ADCK1: variants seen among roughly 807,000 people sequenced by gnomAD.
ADCK1 encodes the protein aarF domain-containing protein kinase 1.
Under a neutral mutation model 52.3 loss-of-function variants are expected in ADCK1, and 41 were observed. That is an observed-to-expected ratio of 0.78 (90% CI 0.61 to 1.02). The LOEUF is 1.02. Among genes scored for constraint, ADCK1 ranks in the 50% least tolerant of loss-of-function variants. ADCK1 has a pLI of 0.00. For missense variants in ADCK1, 658 were observed against 679.5 expected, an observed-to-expected ratio of 0.97 and a Z score of 0.35; for synonymous variants, 250 against 274.6, an observed-to-expected ratio of 0.91 and a Z score of 0.89.
intron 3 of ADCK1, among the ~76,000 whole-genome samples, chr14:77,828,910 C>T (rs1282885435): frequency 6.6e-6 from 1 of 151,374 alleles, no homozygotes; most frequent in Non-Finnish European, 1.5e-5. Flanking sequence ...CCAGACAATA[C>T]TTTTCCTTTA....
chr14:77,887,499 CACACTA>C (rs1311446150), intron 5 of ADCK1, among the ~76,000 whole-genome samples: 2 of 152,158 alleles, frequency 1.3e-5, no homozygotes, highest in Non-Finnish European at 1.5e-5. Flanking sequence ...GGTCTCAAAA[CACACTA>C]AGTGGCTGCT....
At chr14:77,829,090 C>T (rs2081784240) in intron 3 of ADCK1, among the ~76,000 whole-genome samples, 2 of 150,978 alleles carry the variant, frequency 1.3e-5, no homozygotes, top group Admixed American at 1.3e-4. Flanking sequence ...TTTCCTTGTC[C>T]TGGAATCAAT....
At chr14:77,808,302 G>C (rs896365413) in intron 1 of ADCK1, among the ~76,000 whole-genome samples, 4 of 152,134 alleles carry the variant, frequency 2.6e-5, no homozygotes, top group African/African-American at 9.7e-5. Flanking sequence ...GTGACTGAGG[G>C]GTGGTCACTG....
chr14:77,913,912 C>G (rs1489091935), intron 7 of ADCK1, among the ~76,000 whole-genome samples: 1 of 147,086 alleles, frequency 6.8e-6, no homozygotes, highest in African/African-American at 2.6e-5. Flanking sequence ...AGGTTCAGTC[C>G]CCTGTCCTTG....
At chr14:77,889,041 G>T (rs968852775) in intron 5 of ADCK1, among the ~76,000 whole-genome samples, 1 of 152,176 alleles carries the variant, frequency 6.6e-6, no homozygotes, top group African/African-American at 2.4e-5. Flanking sequence ...CACAAGATCC[G>T]ATGGTTTTAT....
rs58057378 is a variant in ADCK1, at chr14:77,905,304, G to GTTTTTTTTTTTTTTTTTTTTT, written c.742-2479_742-2478insTTTTTTTTTTTTTTTTTTTTT. 1.1e-3 allele frequency among the ~76,000 whole-genome samples: 105 copies of GTTTTTTTTTTTTTTTTTTTTT among 96,264 alleles called. 11 individuals are homozygous for GTTTTTTTTTTTTTTTTTTTTT. Among genetic ancestry groups the GTTTTTTTTTTTTTTTTTTTTT allele is most frequent in the Non-Finnish European group, 1.6e-3 (80 of 50,620 alleles). 63.2% of individuals were successfully genotyped at this position (96,264 alleles called of 152,430 possible). On this transcript the variant is annotated intron_variant, in intron 6 of 10. Coordinates refer to ENST00000238561, the MANE Select transcript of ADCK1 (RefSeq NM_020421.4). ...TCCACCTGTGACTCTTTCCTAGCTGGTTTTTTTTTTTTTTTTTTTTGAGAT... is the reference window on the plus strand; with the variant it reads ...TCCACCTGTGACTCTTTCCTAGCTGGTTTTTTTTTTTTTTTTTTTTTTTTTTTTTTTTTTTTTTTTTGAGAT...
chr14:77,886,885 C>T (rs1448686978), intron 4 of ADCK1, among the ~76,000 whole-genome samples: 11 of 151,284 alleles, frequency 7.3e-5, no homozygotes, highest in African/African-American at 2.2e-4. Context: ...CCAGCCTGGT[C>T]GACAGCGCGG....
rs2083481552 is a variant in ADCK1, at chr14:77,899,394, G to GC, written c.741+136_741+137insC. On this transcript the variant is annotated intron_variant, in intron 6 of 10. Coordinates refer to ENST00000238561, the MANE Select transcript of ADCK1 (RefSeq NM_020421.4). ...CTGAGTCCTCTTACTGAGGATGAAT[G>GC]ACATCACTGGTGATGTGCATTAAAT... 12 of 1,179,370 alleles carry GC rather than the reference G, an allele frequency of 1.0e-5. No homozygotes were observed. In the South Asian group the frequency reaches 1.8e-4, roughly 18 times the overall value. The allele number at this position is 1,179,370 out of a possible 1,614,324, so 73.1% of individuals were successfully genotyped here.
At chr14:77,800,833 AT>A (rs1566615743) in intron 1 of ADCK1, among the ~76,000 whole-genome samples, 1 of 152,248 alleles carries the variant, frequency 6.6e-6, no homozygotes, top group Non-Finnish European at 1.5e-5. Context: ...ACAAGTATTT[AT>A]TGTTTACCTC....
rs568838477 is a variant in ADCK1, at chr14:77,878,286, C to T, written c.424-8805C>T. On this transcript the variant is annotated intron_variant, in intron 4 of 10. Transcript: ENST00000238561. ...GAGTGATCCATAGCGAATATATTCTCCTTTATAAAATGTAGGCAATAATCT... is the reference window on the plus strand; with the variant it reads ...GAGTGATCCATAGCGAATATATTCTTCTTTATAAAATGTAGGCAATAATCT... 2.0e-5 allele frequency among the ~76,000 whole-genome samples: 3 copies of T among 152,336 alleles called. No homozygotes were observed. The South Asian group carries it at 6.2e-4, about 32-fold the overall frequency.
intron 3 of ADCK1, among the ~76,000 whole-genome samples, chr14:77,836,761 CTTT>C: frequency 8.0e-6 from 1 of 125,422 alleles, no homozygotes; most frequent in African/African-American, 2.8e-5. Flanking sequence ...TCTACCTTTT[CTTT>C]CTTTCTTTCT....
intron 3 of ADCK1, among the ~76,000 whole-genome samples, chr14:77,854,555 C>CTT (rs60062127): frequency 0.02 from 2,605 of 128,376 alleles, 95 homozygotes; most frequent in African/African-American, 0.034. Context: ...TCGGAGTGGG[C>CTT]TTTTTTTTTT....
chr14:77,877,920 T>C (rs2082935465), intron 4 of ADCK1, among the ~76,000 whole-genome samples: 2 of 152,234 alleles, frequency 1.3e-5, no homozygotes, highest in Admixed American at 1.3e-4. Context: ...TTCTCCTTCC[T>C]TTCTTCAGCT....
intron 1 of ADCK1, among the ~76,000 whole-genome samples, chr14:77,810,446 G>T (rs886997330): frequency 8.6e-5 from 13 of 151,828 alleles, no homozygotes; most frequent in Non-Finnish European, 1.0e-4. Flanking sequence ...TAGAAGGTGG[G>T]TACTCTCAAG....
intron 4 of ADCK1, among the ~76,000 whole-genome samples, chr14:77,878,298 G>A (rs2082942959): frequency 2.0e-5 from 3 of 152,218 alleles, no homozygotes; most frequent in South Asian, 4.1e-4. Flanking sequence ...TTTATAAAAT[G>A]TAGGCAATAA....
chr14:77,831,865 G>A lies in ADCK1; in HGVS notation c.219+9347G>A, dbSNP rs143209828. Among the ~76,000 whole-genome samples, 657 of 152,292 alleles carry A rather than the reference G, an allele frequency of 4.3e-3. 5 individuals are homozygous for A. Among genetic ancestry groups the A allele is most frequent in the East Asian group, 0.034 (177 of 5,192 alleles). The stretch of plus-strand genomic sequence containing the variant: ...AGGGGCAGAGTAAGGGGCTAAGGTC[G>A]GGTGACAACTCTATAACTATTCCAC... On this transcript the variant is annotated intron_variant, in intron 3 of 10. Transcript: ENST00000238561.
chr14:77,932,874 A>G (rs2084371977), intron 10 of ADCK1, among the ~76,000 whole-genome samples: 1 of 152,158 alleles, frequency 6.6e-6, no homozygotes, highest in African/African-American at 2.4e-5. Flanking sequence ...AAAGGCTTTG[A>G]CTATTTTTGA....
chr14:77,910,586 C>A lies in ADCK1; in HGVS notation c.858+2667C>A, dbSNP rs181926958. 5.7e-4 allele frequency among the ~76,000 whole-genome samples: 87 copies of A among 152,358 alleles called. No homozygotes were observed. In the Middle Eastern group the frequency reaches 0.01, roughly 18 times the overall value. On this transcript the variant is annotated intron_variant, in intron 7 of 10. Coordinates refer to ENST00000238561, the MANE Select transcript of ADCK1 (RefSeq NM_020421.4). ...CCAGGTTCCTGGCATTTACTTACTA[C>A]CAGCTGTGGAGGCATTTTCATTCCA... is the stretch of plus-strand genomic sequence containing the variant.
At chr14:77,854,555 CTTT>C (rs60062127) in intron 3 of ADCK1, among the ~76,000 whole-genome samples, 3 of 128,588 alleles carry the variant, frequency 2.3e-5, no homozygotes, top group Non-Finnish European at 3.2e-5. Context: ...TCGGAGTGGG[CTTT>C]TTTTTTTTTT....
Sources: gnomAD v4.1 joint callset for allele counts (sites outside exome capture counted in the v4.1 genomes callset) on GRCh38, gnomAD v4.1.1 for gene constraint, MANE v1.5 for transcripts, NCBI Gene and HGNC (gene_info 2026-07-23, HGNC 2026-07-21) for gene names.